DLGAP2: variants seen among roughly 807,000 people sequenced by gnomAD.
DLGAP2 encodes the protein disks large-associated protein 2.
A neutral mutation model predicts 100.3 loss-of-function variants in DLGAP2; 26 were observed. The observed-to-expected ratio is 0.26, with a 90% CI of 0.19 to 0.36. The LOEUF (loss-of-function observed/expected upper bound fraction) is 0.36, where lower values mean the gene tolerates loss of function less well. Ranked by LOEUF, DLGAP2 falls within the 10% of genes least tolerant of loss-of-function variation. The pLI is 1.00. For missense variants in DLGAP2, 1,858 were observed against 1,453.2 expected, an observed-to-expected ratio of 1.28 and a Z score of -4.53; for synonymous variants, 886 against 630.1, an observed-to-expected ratio of 1.41 and a Z score of -6.08.
chr8:1,307,420 G>A (rs963641133), intron 3 of DLGAP2, among the ~76,000 whole-genome samples: 1 of 152,212 alleles, frequency 6.6e-6, no homozygotes, highest in East Asian at 1.9e-4. Context: ...CATTTTTGGT[G>A]AGAATATAGA....
chr8:1,007,680 C>G (rs1801161241), intron 2 of DLGAP2, among the ~76,000 whole-genome samples: 1 of 151,130 alleles, frequency 6.6e-6, no homozygotes, highest in Non-Finnish European at 1.5e-5. Flanking sequence ...TCGTCCATCT[C>G]TTTAGGAGTC....
chr8:1,126,445 A>G (rs1253743912), intron 2 of DLGAP2, among the ~76,000 whole-genome samples: 1 of 148,822 alleles, frequency 6.7e-6, no homozygotes, highest in Non-Finnish European at 1.5e-5. Context: ...GGCAGGGGAG[A>G]GAAGAGACAC....
In DLGAP2 at chr8:973,456, G is replaced by A. The variant is rs1003833839; in HGVS notation, c.73+65490G>A. ...GACGGGGTCACGGCCGGGCAGAGGC[G>A]CTCCTCACATCCCAGACGGGGTGGT... On this transcript the variant is annotated intron_variant, in intron 2 of 14. Coordinates refer to ENST00000637795, the MANE Select transcript of DLGAP2 (RefSeq NM_001346810.2). 5.9e-5 allele frequency among the ~76,000 whole-genome samples: 9 copies of A among 151,724 alleles called. No individual in the cohort carries two copies. The South Asian group carries it at 6.3e-4, about 11-fold the overall frequency.
intron 3 of DLGAP2, among the ~76,000 whole-genome samples, chr8:1,464,640 G>A (rs1048765205): frequency 1.3e-5 from 2 of 151,966 alleles, no homozygotes; most frequent in East Asian, 3.9e-4. Flanking sequence ...AATGACTGAA[G>A]GCAGATAGAG....
At position 1,177,452 on chromosome 8, in the gene DLGAP2, C is replaced by G. The variant is rs559638572; in HGVS notation, c.74-81399C>G. Among the ~76,000 whole-genome samples the G allele has an allele frequency of 2.6e-5, 4 of 152,040 alleles. No homozygotes were observed. In the South Asian group the frequency reaches 8.4e-4, roughly 32 times the overall value. Reference sequence around the variant, plus strand: ...ACTTTCCCACCATCTTTGGGCACACCGGAGCAGATGCACGAGACCCGATTC... The same window carrying G: ...ACTTTCCCACCATCTTTGGGCACACGGGAGCAGATGCACGAGACCCGATTC... On this transcript the variant is annotated intron_variant, in intron 2 of 14. Transcript: ENST00000637795.
chr8:1,256,427 T>C (rs1249665377), intron 2 of DLGAP2, among the ~76,000 whole-genome samples: 1 of 141,866 alleles, frequency 7.0e-6, no homozygotes, highest in Non-Finnish European at 1.5e-5. Context: ...GCTTGGGCGC[T>C]GTGCGTCTGT....
At chr8:1,248,624 G>C (rs1291308503) in intron 2 of DLGAP2, 1 of 151,706 alleles carries the variant, frequency 6.6e-6, no homozygotes, top group Non-Finnish European at 1.5e-5. Flanking sequence ...GTCGGTGGCC[G>C]GGAAGACCTT....
At chr8:854,086 C>T (rs1417714487) in intron 1 of DLGAP2, among the ~76,000 whole-genome samples, 1 of 152,208 alleles carries the variant, frequency 6.6e-6, no homozygotes, top group East Asian at 1.9e-4. Flanking sequence ...GGTTGGTGGA[C>T]TTCCAGCCTC....
intron 4 of DLGAP2, among the ~76,000 whole-genome samples, chr8:1,533,344 A>T (rs1022613134): frequency 1.3e-5 from 2 of 151,812 alleles, no homozygotes; most frequent in African/African-American, 4.8e-5. Flanking sequence ...TAAAAATACA[A>T]ACAAAAAAAA....
At chr8:1,575,519 G>T (rs1802931273) in intron 6 of DLGAP2, among the ~76,000 whole-genome samples, 1 of 148,334 alleles carries the variant, frequency 6.7e-6, no homozygotes, top group African/African-American at 2.5e-5. Flanking sequence ...TGCACAATGT[G>T]CAGGTTTGCT....
chr8:886,736 A>G (rs1213294981), intron 1 of DLGAP2, among the ~76,000 whole-genome samples: 1 of 152,000 alleles, frequency 6.6e-6, no homozygotes, highest in Non-Finnish European at 1.5e-5. Flanking sequence ...GTCTGGAGAG[A>G]CTGTTATGAT....
chr8:1,539,632 C>T (rs1393608738), intron 4 of DLGAP2, among the ~76,000 whole-genome samples: 19 of 151,228 alleles, frequency 1.3e-4, no homozygotes, highest in Non-Finnish European at 2.1e-4. Flanking sequence ...TTGAAGGATG[C>T]CCGCCCTCAC....
chr8:1,505,313 C>T (rs1265774141), intron 4 of DLGAP2, among the ~76,000 whole-genome samples: 1 of 152,212 alleles, frequency 6.6e-6, no homozygotes, highest in African/African-American at 2.4e-5. Context: ...GGACATTTTA[C>T]AGCACAGTAT....
At chr8:761,805 G>A (rs541477835) in intron 1 of DLGAP2, among the ~76,000 whole-genome samples, 12 of 152,276 alleles carry the variant, frequency 7.9e-5, no homozygotes, top group African/African-American at 1.7e-4. Context: ...CCTCTGTCCC[G>A]GGCTAGCTTC....
At chr8:1,533,735 A>G (rs982828371) in intron 4 of DLGAP2, among the ~76,000 whole-genome samples, 8 of 152,176 alleles carry the variant, frequency 5.3e-5, no homozygotes, top group Non-Finnish European at 1.0e-4. Flanking sequence ...AAGGTCATCA[A>G]TAGTACCTTA....
intron 3 of DLGAP2, among the ~76,000 whole-genome samples, chr8:1,303,402 CAAAAAAAAA>C (rs374350701): frequency 3.2e-5 from 4 of 125,308 alleles, no homozygotes; most frequent in Non-Finnish European, 7.0e-5. Flanking sequence ...GTCTCAAAAA[CAAAAAAAAA>C]AAAAAAAAAA....
intron 3 of DLGAP2, among the ~76,000 whole-genome samples, chr8:1,430,027 T>TATATATATATATATATATATGTATAC (rs1282725274): frequency 1.3e-5 from 1 of 76,886 alleles, no homozygotes; most frequent in African/African-American, 5.0e-5. Context: ...TATATATATA[T>TATATATATATATATATATATGTATAC]ACACACACAC....
intron 8 of DLGAP2, among the ~76,000 whole-genome samples, chr8:1,635,972 A>G (rs555090483): frequency 1.3e-5 from 2 of 152,338 alleles, no homozygotes; most frequent in East Asian, 3.9e-4. Flanking sequence ...CAGTAAGAAC[A>G]GAATACCCTG....
At chr8:1,247,885 A>G (rs188950501) in intron 2 of DLGAP2, among the ~76,000 whole-genome samples, 5 of 3,500 alleles carry the variant, frequency 1.4e-3, no homozygotes, top group Non-Finnish European at 2.5e-3. Context: ...GTCGGTGGCC[A>G]GGAAGACCTT....
Sources: allele counts gnomAD v4.1 joint callset (sites outside exome capture counted in the v4.1 genomes callset), GRCh38; gene constraint gnomAD v4.1.1; transcripts MANE v1.5; gene names NCBI Gene and HGNC (gene_info 2026-07-23, HGNC 2026-07-21).